Variants in CCSER1 observed in about 807,000 individuals in gnomAD.
CCSER1 encodes serine-rich coiled-coil domain-containing protein 1.
A neutral mutation model predicts 82.0 loss-of-function variants in CCSER1; 41 were observed. The observed-to-expected ratio is 0.50, with a 90% CI of 0.39 to 0.65. CCSER1 has a LOEUF of 0.65. Ranked by LOEUF, CCSER1 falls within the 30% of genes least tolerant of loss-of-function variation. CCSER1 has a pLI of 0.00. For synonymous variants in CCSER1, 414 were observed against 383.9 expected (o/e 1.08, Z -0.92); for missense variants, 1,119 against 1,064.2 (o/e 1.05, Z -0.72).
At chr4:90,989,942 CTTAG>C (rs1420170896) in intron 9 of CCSER1, among the ~76,000 whole-genome samples, 1 of 151,744 alleles carries the variant, frequency 6.6e-6, no homozygotes. Flanking sequence ...GGTTCTAGCA[CTTAG>C]TTATTGTTTC....
chr4:90,736,731 C>G (rs1028214917), intron 7 of CCSER1, among the ~76,000 whole-genome samples: 5 of 151,854 alleles, frequency 3.3e-5, no homozygotes, highest in Non-Finnish European at 5.9e-5. Context: ...GGACTTACTC[C>G]TACTTACTCC....
intron 10 of CCSER1, among the ~76,000 whole-genome samples, chr4:91,394,251 T>A (rs1486816030): frequency 1.3e-5 from 2 of 151,968 alleles, no homozygotes; most frequent in Non-Finnish European, 1.5e-5. Context: ...TAGTAAAAAA[T>A]TAAATATTAT....
intron 10 of CCSER1, among the ~76,000 whole-genome samples, chr4:91,481,204 T>C (rs111445323): frequency 0.017 from 2,603 of 152,002 alleles, 30 homozygotes; most frequent in Non-Finnish European, 0.028. Flanking sequence ...TTGCCAGGGC[T>C]GCCATAACAA....
intron 10 of CCSER1, among the ~76,000 whole-genome samples, chr4:91,557,763 A>G (rs1762471542): frequency 6.6e-6 from 1 of 151,418 alleles, no homozygotes; most frequent in African/African-American, 2.4e-5. Context: ...TGCAAGTAAT[A>G]TGGTGAAAAG....
intron 5 of CCSER1, among the ~76,000 whole-genome samples, chr4:90,582,471 A>G (rs1294677874): frequency 6.6e-6 from 1 of 152,180 alleles, no homozygotes; most frequent in Admixed American, 6.5e-5. Context: ...TAGTATTGCT[A>G]CTCCACATGA....
chr4:91,298,796 A>T (rs1306869190), intron 10 of CCSER1, among the ~76,000 whole-genome samples: 1 of 152,012 alleles, frequency 6.6e-6, no homozygotes, highest in East Asian at 1.9e-4. Context: ...AGACAAACTT[A>T]ATGCTCTCAC....
intron 7 of CCSER1, among the ~76,000 whole-genome samples, chr4:90,787,779 C>T (rs1014052990): frequency 2.6e-4 from 40 of 152,136 alleles, no homozygotes; most frequent in African/African-American, 9.7e-4. Flanking sequence ...ATGAGATTGT[C>T]TAGACATTTT....
chr4:90,220,391 AT>A lies in CCSER1; in HGVS notation c.-41-87843del, dbSNP rs200425609. 2.3e-4 allele frequency among the ~76,000 whole-genome samples: 35 copies of A among 148,938 alleles called. 1 individual carries two copies. The highest frequency in any genetic ancestry group is 2.2e-3 in the East Asian group (11 of 5,080). On this transcript the variant is annotated intron_variant, in intron 1 of 10. Coordinates refer to ENST00000509176, the MANE Select transcript of CCSER1 (RefSeq NM_001145065.2). Reference sequence around the variant, plus strand: ...CTTCTCTGGGGCTTATTCTTCTATGATTTTTTTTTTAACTTTGTCGCCTATG... The same window carrying A: ...CTTCTCTGGGGCTTATTCTTCTATGATTTTTTTTTAACTTTGTCGCCTATG...
At chr4:91,247,356 T>C (rs1170080413) in intron 10 of CCSER1, among the ~76,000 whole-genome samples, 3 of 151,044 alleles carry the variant, frequency 2.0e-5, no homozygotes, top group African/African-American at 7.3e-5. Context: ...TGGTTAATGA[T>C]GGAAGCCAGG....
chr4:91,139,221 CT>C (rs966554563), intron 10 of CCSER1, among the ~76,000 whole-genome samples: 12 of 151,982 alleles, frequency 7.9e-5, no homozygotes, highest in African/African-American at 1.5e-4. Flanking sequence ...TGTTTTCATT[CT>C]TTTTTATGGC....
intron 8 of CCSER1, among the ~76,000 whole-genome samples, chr4:90,820,647 C>T (rs1580639225): frequency 1.3e-5 from 2 of 152,070 alleles, no homozygotes; most frequent in East Asian, 3.9e-4. Flanking sequence ...ATACTCAGAC[C>T]ATAGGACCAT....
chr4:90,133,831 G>A (rs1723205241), intron 1 of CCSER1, among the ~76,000 whole-genome samples: 1 of 152,160 alleles, frequency 6.6e-6, no homozygotes, highest in Non-Finnish European at 1.5e-5. Context: ...CTTCATCAGT[G>A]TTAGCAATGT....
chr4:90,846,880 C>A (rs1483676785), intron 8 of CCSER1, among the ~76,000 whole-genome samples: 1 of 152,146 alleles, frequency 6.6e-6, no homozygotes, highest in Non-Finnish European at 1.5e-5. Context: ...ATCTCTTGAC[C>A]TGGTGATACA....
At chr4:90,960,338 C>G (rs11943450) in intron 9 of CCSER1, among the ~76,000 whole-genome samples, 1 of 152,090 alleles carries the variant, frequency 6.6e-6, no homozygotes, top group Admixed American at 6.5e-5. Flanking sequence ...CATGAAATGC[C>G]TTGTTTCTAA....
intron 10 of CCSER1, among the ~76,000 whole-genome samples, chr4:91,535,905 G>C (rs1284531970): frequency 6.6e-6 from 1 of 152,012 alleles, no homozygotes; most frequent in Non-Finnish European, 1.5e-5. Flanking sequence ...TAATCTAAAA[G>C]CATACTTGGC....
intron 5 of CCSER1, among the ~76,000 whole-genome samples, chr4:90,586,711 T>C (rs1457123900): frequency 3.3e-5 from 5 of 152,224 alleles, no homozygotes; most frequent in African/African-American, 4.8e-5. Flanking sequence ...AAAATCATTT[T>C]CATTGCTTTT....
chr4:91,539,147 T>C (rs1761457818), intron 10 of CCSER1, among the ~76,000 whole-genome samples: 1 of 152,112 alleles, frequency 6.6e-6, no homozygotes, highest in Non-Finnish European at 1.5e-5. Flanking sequence ...TGTTAACTCT[T>C]TATCTTATTC....
At chr4:90,458,579 T>G (rs939064236) in intron 4 of CCSER1, among the ~76,000 whole-genome samples, 2 of 152,120 alleles carry the variant, frequency 1.3e-5, no homozygotes, top group Admixed American at 1.3e-4. Context: ...GGTCTCGAAC[T>G]CCTGACCTCA....
chr4:90,232,850 G>A (rs1235755519), intron 1 of CCSER1, among the ~76,000 whole-genome samples: 1 of 151,836 alleles, frequency 6.6e-6, no homozygotes, highest in African/African-American at 2.4e-5. Context: ...AGACATTTAT[G>A]CAGCCAAAAA....
Sources: gnomAD v4.1 joint callset for allele counts (sites outside exome capture counted in the v4.1 genomes callset) on GRCh38, gnomAD v4.1.1 for gene constraint, MANE v1.5 for transcripts, NCBI Gene and HGNC (gene_info 2026-07-23, HGNC 2026-07-21) for gene names.